The following KCMF1 variants were observed in gnomAD, a reference collection of about 807,000 sequenced individuals.
The protein encoded by KCMF1 is E3 ubiquitin-protein ligase KCMF1.
A neutral mutation model predicts 41.1 loss-of-function variants in KCMF1; 3 were observed. The observed-to-expected ratio is 0.07, with a 90% CI of 0.03 to 0.19. The LOEUF is 0.19. Ranked by LOEUF, KCMF1 falls within the 10% of genes least tolerant of loss-of-function variation. The pLI is 1.00. For missense variants in KCMF1, 286 were observed against 488.9 expected (o/e 0.58, Z 3.91); for synonymous variants, 142 against 164.5 (o/e 0.86, Z 1.04).
At chr2:84,980,220 T>A (rs779145232) in intron 1 of KCMF1, among the ~76,000 whole-genome samples, 2 of 152,104 alleles carry the variant, frequency 1.3e-5, no homozygotes, top group Non-Finnish European at 2.9e-5. Context: ...ATTACCTAGA[T>A]TACATGAGAA....
chr2:85,046,672 G>A (rs985275436), intron 5 of KCMF1, among the ~76,000 whole-genome samples: 1 of 151,104 alleles, frequency 6.6e-6, no homozygotes, highest in Non-Finnish European at 1.5e-5. Flanking sequence ...GTGTTCTTAA[G>A]TCTCACCTCT....
chr2:85,046,363 C>CTGTG, intron 5 of KCMF1, 85 bp downstream of exon 5: 4 of 1,046,934 alleles, frequency 3.8e-6, no homozygotes, highest in Non-Finnish European at 5.6e-6. Context: ...GGTGCGGTGG[C>CTGTG]TCACACCTTT....
At chr2:84,998,972 GTCTGTCTA>G (rs1451776135) in intron 1 of KCMF1, among the ~76,000 whole-genome samples, 13 of 118,740 alleles carry the variant, frequency 1.1e-4, no homozygotes, top group East Asian at 2.6e-4. Flanking sequence ...CTATCTGTCT[GTCTGTCTA>G]TCTACCTACC....
In KCMF1 at chr2:84,988,513, G is replaced by A. The variant is rs151215803; in HGVS notation, c.16+17046G>A. 1.2e-3 allele frequency among the ~76,000 whole-genome samples: 190 copies of A among 152,270 alleles called. 1 individual carries two copies. The highest frequency in any genetic ancestry group is 4.4e-3 in the African/African-American group (182 of 41,562). ...CCCTAAGATGGCACAGTGTTTGATA[G>A]AGCTGGAATTCAAACCTGGGTTTGG... On this transcript the variant is annotated intron_variant, in intron 1 of 6. Transcript: ENST00000409785.
At chr2:84,985,639 G>A (rs1404888155) in intron 1 of KCMF1, among the ~76,000 whole-genome samples, 2 of 152,044 alleles carry the variant, frequency 1.3e-5, no homozygotes, top group East Asian at 1.9e-4. Flanking sequence ...GACCAGCCTG[G>A]CCAACATGGT....
chr2:84,974,772 C>T (rs1673503228), intron 1 of KCMF1, among the ~76,000 whole-genome samples: 1 of 120,010 alleles, frequency 8.3e-6, no homozygotes, highest in African/African-American at 3.2e-5. Context: ...GTGGCGTGAT[C>T]TTGGCTCACT....
intron 3 of KCMF1, 94 bp downstream of exon 3, chr2:85,035,249 CTCAGTGTAATG>C: frequency 9.5e-7 from 1 of 1,054,526 alleles, no homozygotes. Context: ...CTGCTTCCTG[CTCAGTGTAATG>C]ATACCGTTTG....
chr2:85,000,773 CTTTTTTTTTTTTT>C (rs1234800307), intron 1 of KCMF1, among the ~76,000 whole-genome samples: 1 of 118,622 alleles, frequency 8.4e-6, no homozygotes, highest in African/African-American at 3.1e-5. Flanking sequence ...GATAATTTTA[CTTTTTTTTTTTTT>C]TTTTTTTTAA....
intron 4 of KCMF1, among the ~76,000 whole-genome samples, chr2:85,044,600 C>A (rs1253831063): frequency 6.6e-6 from 1 of 151,752 alleles, no homozygotes; most frequent in African/African-American, 2.4e-5. Context: ...GGTCTCTTGG[C>A]CATGCTGGTC....
intron 1 of KCMF1, among the ~76,000 whole-genome samples, chr2:84,988,187 G>A (rs1210493448): frequency 3.3e-5 from 5 of 151,852 alleles, no homozygotes; most frequent in East Asian, 1.9e-4. Context: ...AGCCAAGATC[G>A]CGCCATTGCA....
At chr2:85,022,330 C>T (rs987062798) in intron 1 of KCMF1, among the ~76,000 whole-genome samples, 6 of 151,920 alleles carry the variant, frequency 3.9e-5, no homozygotes, top group South Asian at 2.1e-4. Flanking sequence ...AAAAATTATG[C>T]GGGCATGGTG....
At chr2:84,995,393 A>G (rs1674151967) in intron 1 of KCMF1, among the ~76,000 whole-genome samples, 1 of 152,116 alleles carries the variant, frequency 6.6e-6, no homozygotes, top group Admixed American at 6.5e-5. Context: ...TAGAGTCTTG[A>G]TTCAGGTTTT....
At chr2:85,027,748 T>G (rs1324239444) in intron 1 of KCMF1, 141 bp from the exon 2 acceptor site, 4 of 603,788 alleles carry the variant, frequency 6.6e-6, no homozygotes, top group Admixed American at 6.3e-5. Context: ...TGGCTAAAAC[T>G]TCCCGTATCA....
chr2:84,976,161 T>C, intron 1 of KCMF1, among the ~76,000 whole-genome samples: 1 of 152,078 alleles, frequency 6.6e-6, no homozygotes, highest in East Asian at 1.9e-4. Flanking sequence ...AGAGGTACTC[T>C]ACTGTGATTC....
chr2:84,991,430 C>T (rs1448719401), intron 1 of KCMF1, among the ~76,000 whole-genome samples: 1 of 152,216 alleles, frequency 6.6e-6, no homozygotes, highest in Non-Finnish European at 1.5e-5. Flanking sequence ...GCAGCAATAT[C>T]ATTAGAAATC....
At chr2:85,040,989 T>C (rs1332516971) in intron 3 of KCMF1, among the ~76,000 whole-genome samples, 2 of 152,124 alleles carry the variant, frequency 1.3e-5, no homozygotes, top group Admixed American at 6.5e-5. Context: ...CTCGAACTCC[T>C]GACCTTGTGA....
At chr2:85,012,445 C>CTG (rs1209006792) in intron 1 of KCMF1, among the ~76,000 whole-genome samples, 1 of 152,158 alleles carries the variant, frequency 6.6e-6, no homozygotes, top group African/African-American at 2.4e-5. Context: ...TCACATCAAA[C>CTG]TGTATAAGCA....
rs78310096 is a variant in KCMF1, at chr2:84,998,917, C to T, written c.16+27450C>T. 5.7e-3 allele frequency among the ~76,000 whole-genome samples: 552 copies of T among 96,090 alleles called. 21 individuals carry two copies. The highest frequency in any genetic ancestry group is 0.025 in the African/African-American group (457 of 18,290). 63.0% of individuals were successfully genotyped at this position (96,090 alleles called of 152,430 possible). A position where few individuals can be genotyped will look rare whatever the true frequency, so the allele number is the denominator to read the frequency against. ...ATGACCCACTGTGCTGGGCCTCTTA[C>T]CTATCTATCTATCTATCTATCTATC... On this transcript the variant is annotated intron_variant, in intron 1 of 6. Transcript: ENST00000409785.
chr2:85,019,645 C>T (rs1674877581), intron 1 of KCMF1, among the ~76,000 whole-genome samples: 1 of 151,924 alleles, frequency 6.6e-6, no homozygotes, highest in Non-Finnish European at 1.5e-5. Flanking sequence ...AGCATGCCTG[C>T]CACATAGATT....
Sources: allele counts gnomAD v4.1 joint callset (sites outside exome capture counted in the v4.1 genomes callset), GRCh38; gene constraint gnomAD v4.1.1; transcripts MANE v1.5; gene names NCBI Gene and HGNC (gene_info 2026-07-23, HGNC 2026-07-21).